Variants in SBF2 observed in about 807,000 individuals in gnomAD.
The protein encoded by SBF2 is myotubularin-related protein 13.
A neutral mutation model predicts 225.2 loss-of-function variants in SBF2; 112 were observed. That is an observed-to-expected ratio of 0.50 (90% CI 0.43 to 0.58). SBF2 has a LOEUF of 0.58. SBF2 is among the 20% of genes least tolerant of loss of function. SBF2 has a pLI of 0.00. For missense variants in SBF2, 1,996 were observed against 2,206.2 expected (o/e 0.90, Z 1.91); for synonymous variants, 763 against 773.3 (o/e 0.99, Z 0.22).
At chr11:9,899,537 T>C (rs759273191) in intron 16 of SBF2, among the ~76,000 whole-genome samples, 3 of 147,648 alleles carry the variant, frequency 2.0e-5, no homozygotes, top group Non-Finnish European at 4.5e-5. Context: ...AGTTATTACA[T>C]CTAAATTTAT....
At chr11:10,269,113 T>C (rs1441214940) in intron 1 of SBF2, among the ~76,000 whole-genome samples, 2 of 152,196 alleles carry the variant, frequency 1.3e-5, no homozygotes, top group African/African-American at 2.4e-5. Context: ...GCAATATACC[T>C]CAAAACTATT....
At chr11:9,884,209 GA>G (rs920040023) in intron 17 of SBF2, among the ~76,000 whole-genome samples, 2 of 152,156 alleles carry the variant, frequency 1.3e-5, no homozygotes, top group African/African-American at 4.8e-5. Flanking sequence ...TAACAGATCT[GA>G]AATCAGGAGA....
In SBF2 at chr11:10,260,201, G is replaced by A. The variant is rs1017063510; in HGVS notation, c.55+33814C>T. Among the ~76,000 whole-genome samples, 3 of 152,136 alleles carry A rather than the reference G, an allele frequency of 2.0e-5. No homozygotes were observed. In the East Asian group the frequency reaches 5.8e-4, roughly 29 times the overall value. ...CCATAATGTGTTAATAAAATTAGAA[G>A]TCTGCATTATTTGTATTTCAATAAG... On this transcript the variant is annotated intron_variant, in intron 1 of 39. Coordinates refer to ENST00000256190, the MANE Select transcript of SBF2 (RefSeq NM_030962.4).
At position 10,085,423 on chromosome 11, in the gene SBF2, A is replaced by G. The variant is rs187279078; in HGVS notation, c.142-42442T>C. ...CGGAATTTTCTCTTCAACTCTATCT[A>G]GAGAAGATTTTATTTCATGTACTAA... On this transcript the variant is annotated intron_variant, in intron 2 of 39. Transcript: ENST00000256190. Among the ~76,000 whole-genome samples the G allele has an allele frequency of 8.7e-4, 133 of 152,272 alleles. 1 individual carries two copies. The highest frequency in any genetic ancestry group is 3.2e-3 in the African/African-American group (131 of 41,550).
intron 17 of SBF2, among the ~76,000 whole-genome samples, chr11:9,881,808 C>A (rs1859783641): frequency 6.6e-6 from 1 of 151,802 alleles, no homozygotes; most frequent in East Asian, 1.9e-4. Context: ...CATAGCAAAA[C>A]CCCATCTCTA....
intron 2 of SBF2, among the ~76,000 whole-genome samples, chr11:10,156,968 C>A (rs962495082): frequency 6.6e-6 from 1 of 152,156 alleles, no homozygotes; most frequent in Admixed American, 6.5e-5. Flanking sequence ...TAAGGCAATC[C>A]TAAGCAAAAA....
chr11:9,920,589 C>A (rs6483818), intron 16 of SBF2, among the ~76,000 whole-genome samples: 4,771 of 152,224 alleles, frequency 0.031, 247 homozygotes, highest in African/African-American at 0.11. Flanking sequence ...TATAAAGTAT[C>A]TTCTTTCACA....
chr11:9,867,550 C>A (rs1013628679), intron 17 of SBF2, among the ~76,000 whole-genome samples: 2 of 152,014 alleles, frequency 1.3e-5, no homozygotes, highest in Admixed American at 1.3e-4. Flanking sequence ...AGGAAGAAAA[C>A]TAGTATATCA....
chr11:10,277,775 G>A (rs543152112), intron 1 of SBF2, among the ~76,000 whole-genome samples: 1 of 152,290 alleles, frequency 6.6e-6, no homozygotes, highest in South Asian at 2.1e-4. Context: ...TCAGAGTTAT[G>A]CTACCACCAA....
chr11:10,192,211 C>CT (rs1957201951), intron 2 of SBF2, among the ~76,000 whole-genome samples: 1 of 152,100 alleles, frequency 6.6e-6, no homozygotes, highest in South Asian at 2.1e-4. Context: ...GAAAGGAATG[C>CT]AAAGGGCTTT....
At chr11:9,938,991 A>G (rs1051799778) in intron 16 of SBF2, among the ~76,000 whole-genome samples, 9 of 152,186 alleles carry the variant, frequency 5.9e-5, no homozygotes, top group Admixed American at 1.3e-4. Flanking sequence ...TGTCAAGAAA[A>G]AGTTAACCCA....
intron 17 of SBF2, among the ~76,000 whole-genome samples, chr11:9,859,582 A>G (rs980735341): frequency 6.6e-6 from 1 of 152,206 alleles, no homozygotes; most frequent in Admixed American, 6.5e-5. Flanking sequence ...AAAGTTTCTG[A>G]TAAGTTTTCT....
chr11:10,223,414 T>C, intron 1 of SBF2, among the ~76,000 whole-genome samples: 1 of 86,392 alleles, frequency 1.2e-5, no homozygotes, highest in East Asian at 2.3e-4. Context: ...TATATATATA[T>C]ATATATATAT....
intron 16 of SBF2, chr11:9,928,905 T>G: frequency 2.6e-6 from 1 of 387,168 alleles, no homozygotes; most frequent in South Asian, 2.2e-5. Context: ...GAAAATGATG[T>G]TAGATAAAAA....
At chr11:10,042,106 G>A (rs549442142) in intron 3 of SBF2, among the ~76,000 whole-genome samples, 1 of 152,284 alleles carries the variant, frequency 6.6e-6, no homozygotes, top group South Asian at 2.1e-4. Flanking sequence ...CAACTATGGT[G>A]AAGGTTATAA....
intron 2 of SBF2, among the ~76,000 whole-genome samples, chr11:10,093,693 T>C (rs1322902234): frequency 6.6e-6 from 1 of 152,210 alleles, no homozygotes; most frequent in Non-Finnish European, 1.5e-5. Flanking sequence ...CTGTGATTGT[T>C]TCAAAAATAA....
At chr11:10,085,857 T>A (rs922797197) in intron 2 of SBF2, among the ~76,000 whole-genome samples, 11 of 152,016 alleles carry the variant, frequency 7.2e-5, no homozygotes, top group Admixed American at 6.6e-4. Context: ...AAAAATAATT[T>A]TTCTTCTATC....
intron 1 of SBF2, among the ~76,000 whole-genome samples, chr11:10,230,679 C>A (rs193273957): frequency 1.3e-5 from 2 of 152,142 alleles, no homozygotes; most frequent in African/African-American, 4.8e-5. Flanking sequence ...CTGAGAGATC[C>A]GCTGTTAGTC....
intron 1 of SBF2, among the ~76,000 whole-genome samples, chr11:10,236,224 G>A (rs750226522): frequency 1.3e-5 from 2 of 152,186 alleles, no homozygotes; most frequent in Non-Finnish European, 2.9e-5. Context: ...GGCCCAAGCA[G>A]GAGGATTGCT....
Sources: allele counts gnomAD v4.1 joint callset (sites outside exome capture counted in the v4.1 genomes callset), GRCh38; gene constraint gnomAD v4.1.1; transcripts MANE v1.5; gene names NCBI Gene and HGNC (gene_info 2026-07-23, HGNC 2026-07-21).